ZHX2: variants seen among roughly 807,000 people sequenced by gnomAD.
The protein encoded by ZHX2 is zinc fingers and homeoboxes protein 2.
A neutral mutation model predicts 21.9 loss-of-function variants in ZHX2; 6 were observed. The ratio of observed to expected loss-of-function variants is 0.27; its 90% CI spans 0.15 to 0.54. The LOEUF is 0.54. Among genes scored for constraint, ZHX2 ranks in the 20% least tolerant of loss-of-function variants. The pLI, the probability that ZHX2 is intolerant of heterozygous loss-of-function variation, is 0.95. For synonymous variants in ZHX2, 434 were observed against 437.1 expected (o/e 0.99, Z 0.09); for missense variants, 908 against 1,090.7 (o/e 0.83, Z 2.36).
In ZHX2 at chr8:122,923,626, C is replaced by T. The variant is rs947150911; in HGVS notation, c.-219-27666C>T. On this transcript the variant is annotated intron_variant, in intron 2 of 3. Transcript: ENST00000314393. ...ACCTTTAATCTGCCACAGTGTCTGC[C>T]ACAAAGTCACCACACCCACCTGCCT... Among the ~76,000 whole-genome samples, 6 of 152,158 alleles carry T rather than the reference C, an allele frequency of 3.9e-5. No homozygotes were observed. The South Asian group carries it at 6.2e-4, about 16-fold the overall frequency.
At chr8:122,815,350 A>G (rs1818009199) in intron 1 of ZHX2, 1 of 152,250 alleles carries the variant, frequency 6.6e-6, no homozygotes, top group Non-Finnish European at 1.5e-5. Flanking sequence ...AATAATGAAT[A>G]TAAAATCAAA....
chr8:122,851,032 T>C (rs904034514), intron 1 of ZHX2, among the ~76,000 whole-genome samples: 1 of 152,134 alleles, frequency 6.6e-6, no homozygotes, highest in Non-Finnish European at 1.5e-5. Flanking sequence ...GCTATCATTG[T>C]GGTCTTCTCC....
At chr8:122,803,133 G>A (rs566490925) in intron 1 of ZHX2, among the ~76,000 whole-genome samples, 66 of 152,262 alleles carry the variant, frequency 4.3e-4, no homozygotes, top group African/African-American at 1.6e-3. Context: ...TGGAACGAGG[G>A]TGGGGACTCA....
intron 1 of ZHX2, among the ~76,000 whole-genome samples, chr8:122,840,340 T>C (rs1818597609): frequency 6.6e-6 from 1 of 152,052 alleles, no homozygotes; most frequent in Admixed American, 6.6e-5. Flanking sequence ...AGAAGGTAGG[T>C]TCTGGAATCA....
At chr8:122,913,351 G>A (rs1294148996) in intron 2 of ZHX2, among the ~76,000 whole-genome samples, 2 of 152,160 alleles carry the variant, frequency 1.3e-5, no homozygotes, top group African/African-American at 2.4e-5. Context: ...GTTTTCGCAT[G>A]GTAGGAACCC....
intron 1 of ZHX2, among the ~76,000 whole-genome samples, chr8:122,839,107 G>A (rs997696820): frequency 6.6e-6 from 1 of 151,884 alleles, no homozygotes; most frequent in South Asian, 2.1e-4. Flanking sequence ...GTTGGAGCAG[G>A]GAACCCCACT....
chr8:122,813,083 C>T (rs547924063), intron 1 of ZHX2, among the ~76,000 whole-genome samples: 1 of 151,960 alleles, frequency 6.6e-6, no homozygotes, highest in Admixed American at 6.5e-5. Context: ...GTAATTCCAG[C>T]TACTCGGGAG....
intron 1 of ZHX2, among the ~76,000 whole-genome samples, chr8:122,802,314 C>T (rs568311694): frequency 1.3e-5 from 2 of 152,332 alleles, no homozygotes; most frequent in East Asian, 1.9e-4. Context: ...CCACCCACCT[C>T]GGCCTCCCAA....
chr8:122,792,608 C>T (rs1338906765), intron 1 of ZHX2, among the ~76,000 whole-genome samples: 3 of 152,126 alleles, frequency 2.0e-5, no homozygotes, highest in Non-Finnish European at 2.9e-5. Context: ...TGAGAGAGTT[C>T]TGATTTTGCT....
chr8:122,863,983 G>A (rs553176851), intron 2 of ZHX2, among the ~76,000 whole-genome samples: 2 of 152,174 alleles, frequency 1.3e-5, no homozygotes, highest in South Asian at 4.2e-4. Context: ...TTGAAAAACT[G>A]TCATGAGCAG....
chr8:122,947,096 A>C (rs1026726533), intron 2 of ZHX2, among the ~76,000 whole-genome samples: 78 of 139,374 alleles, frequency 5.6e-4, no homozygotes, highest in Non-Finnish European at 1.1e-3. Flanking sequence ...TCTTTGCAAA[A>C]AAAAAAAAAA....
intron 1 of ZHX2, among the ~76,000 whole-genome samples, chr8:122,836,726 T>A (rs1818507358): frequency 6.6e-6 from 1 of 152,216 alleles, no homozygotes; most frequent in Admixed American, 6.5e-5. Flanking sequence ...CCAGGGTAGG[T>A]GTCTTCCGGC....
chr8:122,935,046 G>A (rs1053846849), intron 2 of ZHX2, among the ~76,000 whole-genome samples: 2 of 152,088 alleles, frequency 1.3e-5, no homozygotes, highest in African/African-American at 4.8e-5. Context: ...TCAAAAAGCC[G>A]TGTGCTATAT....
At chr8:122,900,459 C>A (rs1030363107) in intron 2 of ZHX2, among the ~76,000 whole-genome samples, 1 of 152,146 alleles carries the variant, frequency 6.6e-6, no homozygotes, top group South Asian at 2.1e-4. Context: ...GACCCCATGA[C>A]CCAAACACCT....
chr8:122,967,191 C>T (rs7821041), intron 3 of ZHX2, among the ~76,000 whole-genome samples: 96,727 of 152,096 alleles, frequency 0.64, 31,647 homozygotes, highest in African/African-American at 0.8. Context: ...GCTAGAGAGC[C>T]AGTGTGATCT....
At chr8:122,839,751 TG>T (rs1818584772) in intron 1 of ZHX2, among the ~76,000 whole-genome samples, 1 of 152,210 alleles carries the variant, frequency 6.6e-6, no homozygotes, top group Non-Finnish European at 1.5e-5. Context: ...TGCTTCGGGC[TG>T]CAATTGGATA....
intron 2 of ZHX2, among the ~76,000 whole-genome samples, chr8:122,933,371 G>A (rs1179031337): frequency 6.6e-6 from 1 of 151,288 alleles, no homozygotes; most frequent in Non-Finnish European, 1.5e-5. Flanking sequence ...ATTTGATAGT[G>A]CCTTATTTAT....
intron 2 of ZHX2, among the ~76,000 whole-genome samples, chr8:122,935,743 G>A (rs1812668391): frequency 6.6e-6 from 1 of 151,996 alleles, no homozygotes; most frequent in Admixed American, 6.6e-5. Context: ...CACCATGTTA[G>A]CCAGGATTGT....
intron 1 of ZHX2, among the ~76,000 whole-genome samples, chr8:122,848,456 G>T (rs542272153): frequency 6.6e-6 from 1 of 151,992 alleles, no homozygotes; most frequent in Non-Finnish European, 1.5e-5. Context: ...CTTTATAAAC[G>T]GAACACTTCC....
Sources: allele counts gnomAD v4.1 joint callset (sites outside exome capture counted in the v4.1 genomes callset), GRCh38; gene constraint gnomAD v4.1.1; transcripts MANE v1.5; gene names NCBI Gene and HGNC (gene_info 2026-07-23, HGNC 2026-07-21).